The following BCL11A variants were observed in gnomAD, a reference collection of about 807,000 sequenced individuals.
The protein encoded by BCL11A is B cell CLL/lymphoma 11A.
BCL11A carries 2 observed loss-of-function variants against 55.9 expected under a neutral mutation model. The ratio of observed to expected loss-of-function variants is 0.04; its 90% CI spans 0.01 to 0.11. BCL11A has a LOEUF of 0.11. Among genes scored for constraint, BCL11A ranks in the 10% least tolerant of loss-of-function variants. The probability of loss-of-function intolerance (pLI) is 1.00; values close to 1 mark genes in which losing one functional copy is unlikely to be tolerated. For synonymous variants in BCL11A, 465 were observed against 473.4 expected, an observed-to-expected ratio of 0.98 and a Z score of 0.23; for missense variants, 817 against 1,137.1, an observed-to-expected ratio of 0.72 and a Z score of 4.05.
At chr2:60,495,957 T>C (rs1435187709) in intron 2 of BCL11A, among the ~76,000 whole-genome samples, 1 of 108,496 alleles carries the variant, frequency 9.2e-6, no homozygotes, top group Admixed American at 1.0e-4. Flanking sequence ...TTCACTATTC[T>C]TAGCTATTTT....
chr2:60,530,990 G>T (rs932179592), intron 2 of BCL11A, among the ~76,000 whole-genome samples: 2 of 152,220 alleles, frequency 1.3e-5, no homozygotes, highest in African/African-American at 4.8e-5. Flanking sequence ...CATTCTGTCT[G>T]CTAAACCAGT....
chr2:60,467,387 CTGG>C (rs1676778294), intron 3 of BCL11A, among the ~76,000 whole-genome samples: 1 of 23,616 alleles, frequency 4.2e-5, no homozygotes. Context: ...GGTGATGGTA[CTGG>C]TGGTGATGGT....
chr2:60,466,326 C>T (rs1026007363), intron 3 of BCL11A, among the ~76,000 whole-genome samples: 20 of 152,170 alleles, frequency 1.3e-4, no homozygotes, highest in African/African-American at 4.8e-4. Context: ...TATCCCTTCC[C>T]TCCAAAAGTG....
intron 2 of BCL11A, among the ~76,000 whole-genome samples, chr2:60,512,765 T>C (rs546439000): frequency 6.6e-6 from 1 of 152,302 alleles, no homozygotes; most frequent in East Asian, 1.9e-4. Context: ...TTCACAGCCT[T>C]ATGAAGACAG....
At chr2:60,498,413 G>C (rs927120649) in intron 2 of BCL11A, among the ~76,000 whole-genome samples, 6 of 152,094 alleles carry the variant, frequency 3.9e-5, no homozygotes, top group Non-Finnish European at 5.9e-5. Context: ...CCCAGGCTGG[G>C]CTGGACAGAG....
intron 2 of BCL11A, among the ~76,000 whole-genome samples, chr2:60,485,942 C>T (rs1398081222): frequency 3.9e-5 from 6 of 152,210 alleles, no homozygotes; most frequent in Admixed American, 1.3e-4. Flanking sequence ...TGAGATTGCA[C>T]ATTTTAGTTT....
chr2:60,542,959 GGC>G (rs1669990518), intron 2 of BCL11A: 1 of 151,194 alleles, frequency 6.6e-6, no homozygotes, highest in Non-Finnish European at 1.5e-5. Context: ...GAACCTAGGA[GGC>G]AGAGGTTGCA....
At chr2:60,540,946 TTGTG>T (rs368895286) in intron 2 of BCL11A, among the ~76,000 whole-genome samples, 22,586 of 140,104 alleles carry the variant, frequency 0.16, 1,931 homozygotes, top group African/African-American at 0.25. Flanking sequence ...AGCACTGGTT[TTGTG>T]TGTGTGTGTG....
chr2:60,501,814 C>A (rs1023860198), intron 2 of BCL11A, among the ~76,000 whole-genome samples: 2 of 152,186 alleles, frequency 1.3e-5, no homozygotes, highest in African/African-American at 4.8e-5. Flanking sequence ...CCTTACACTG[C>A]TTTCTTAATT....
intron 2 of BCL11A, among the ~76,000 whole-genome samples, chr2:60,483,844 T>C (rs1678105894): frequency 6.6e-6 from 1 of 152,078 alleles, no homozygotes; most frequent in Admixed American, 6.5e-5. Context: ...GTTCTTTCTT[T>C]CTTCCTTTTC....
intron 2 of BCL11A, among the ~76,000 whole-genome samples, chr2:60,507,020 C>G (rs1045846449): frequency 1.3e-5 from 2 of 151,868 alleles, no homozygotes; most frequent in African/African-American, 4.8e-5. Flanking sequence ...AATTAGCAAA[C>G]TATAAAAATA....
At chr2:60,500,335 T>A (rs1367605376) in intron 2 of BCL11A, among the ~76,000 whole-genome samples, 1 of 152,098 alleles carries the variant, frequency 6.6e-6, no homozygotes, top group Non-Finnish European at 1.5e-5. Context: ...CCGGGGCCAG[T>A]TCCCCCATTA....
rs1333874930 is a variant in BCL11A, at chr2:60,546,802, T to C, written c.56-502A>G. Among the ~76,000 whole-genome samples, 1 of 152,356 alleles carries C rather than the reference T, an allele frequency of 6.6e-6. No homozygotes were observed. Among genetic ancestry groups the C allele is most frequent in the East Asian group, 1.9e-4 (1 of 5,192 alleles). On this transcript the variant is annotated intron_variant, in intron 1 of 3. Coordinates refer to ENST00000642384, the MANE Select transcript of BCL11A (RefSeq NM_022893.4). The surrounding 1 kb of genome is among the most constrained non-coding windows in gnomAD (Gnocchi z 4.1). ...GGTGAATAAACACACACACCCTTTG[T>C]GTGTGAATGTATATACTCCTAAGTA...
rs1463772206 is a variant in BCL11A, at chr2:60,460,379, G to T, written c.*25C>A. The T allele has an allele frequency of 6.4e-7, 1 of 1,562,238 alleles. No individual in the cohort carries two copies. The highest frequency in any genetic ancestry group is 1.4e-5 in the African/African-American group (1 of 74,050). On this transcript the variant is annotated 3_prime_UTR_variant, in exon 4 of 4. Coordinates refer to ENST00000642384, the MANE Select transcript of BCL11A (RefSeq NM_022893.4). ...GTGAAAAAGGGGGTGTCAGGTGGGA[G>T]TGAGGGAGGGGTATTAATATACCTC... is the stretch of plus-strand genomic sequence containing the variant.
At chr2:60,487,299 T>C (rs1678336597) in intron 2 of BCL11A, among the ~76,000 whole-genome samples, 1 of 152,228 alleles carries the variant, frequency 6.6e-6, no homozygotes, top group Non-Finnish European at 1.5e-5. Flanking sequence ...GCAGAGCCCA[T>C]GTTACATCTC....
At chr2:60,482,283 A>G (rs1354210930) in intron 2 of BCL11A, among the ~76,000 whole-genome samples, 2 of 151,850 alleles carry the variant, frequency 1.3e-5, no homozygotes, top group African/African-American at 4.8e-5. Context: ...CACGGAGCGG[A>G]CAGAAGGAGG....
At chr2:60,551,227 G>T (rs1670400936) in intron 1 of BCL11A, among the ~76,000 whole-genome samples, 1 of 152,244 alleles carries the variant, frequency 6.6e-6, no homozygotes, top group African/African-American at 2.4e-5. Context: ...ACTTTCCTAA[G>T]TGCCCACCGC....
Position 60,480,026 on chromosome 2 carries a change from C to T in BCL11A, c.386-11193G>A, listed in dbSNP as rs373291496. On this transcript the variant is annotated intron_variant, in intron 2 of 3. Transcript: ENST00000642384. ...AATCATACTTTGCATTTATGGCCTG[C>T]GGCTCTTGGCTGACTTTGGCGGCTC... Among the ~76,000 whole-genome samples, 24 of 152,284 alleles carry T rather than the reference C, an allele frequency of 1.6e-4. No individual in the cohort carries two copies. In the East Asian group the frequency reaches 2.7e-3, roughly 17 times the overall value.
chr2:60,533,012 AC>A (rs1669526608), intron 2 of BCL11A: 1 of 152,226 alleles, frequency 6.6e-6, no homozygotes, highest in African/African-American at 2.4e-5. Context: ...TACCCTGGGT[AC>A]ACTAGATTAT....
Sources: allele counts gnomAD v4.1 joint callset (sites outside exome capture counted in the v4.1 genomes callset), GRCh38; gene constraint gnomAD v4.1.1; non-coding constraint Gnocchi (gnomAD v3.1); transcripts MANE v1.5; gene names NCBI Gene and HGNC (gene_info 2026-07-23, HGNC 2026-07-21).